The following FRAS1 variants were observed in gnomAD, a reference collection of about 807,000 sequenced individuals.
FRAS1 encodes Fraser extracellular matrix complex subunit 1, also known as extracellular matrix organizing protein FRAS1.
A neutral mutation model predicts 435.2 loss-of-function variants in FRAS1; 290 were observed. The observed-to-expected ratio is 0.67, with a 90% CI of 0.61 to 0.73. The LOEUF (loss-of-function observed/expected upper bound fraction) is 0.73, where lower values mean the gene tolerates loss of function less well. Among genes scored for constraint, FRAS1 ranks in the 30% least tolerant of loss-of-function variants. The pLI, the probability that FRAS1 is intolerant of heterozygous loss-of-function variation, is 0.00. For missense variants in FRAS1, 4,860 were observed against 5,001.5 expected (o/e 0.97, Z 0.85); for synonymous variants, 1,800 against 1,851.0 (o/e 0.97, Z 0.71).
intron 29 of FRAS1, among the ~76,000 whole-genome samples, chr4:78,389,781 A>G (rs1732373293): frequency 6.6e-6 from 1 of 152,200 alleles, no homozygotes; most frequent in African/African-American, 2.4e-5. Context: ...TTTGTGTGGA[A>G]TGGCCCAAGA....
intron 20 of FRAS1, among the ~76,000 whole-genome samples, chr4:78,357,489 G>A (rs540502739): frequency 6.6e-6 from 1 of 152,150 alleles, no homozygotes; most frequent in Non-Finnish European, 1.5e-5. Flanking sequence ...CAAAGGGAAT[G>A]GTTCCTCTGC....
intron 18 of FRAS1, among the ~76,000 whole-genome samples, chr4:78,328,967 C>G (rs1729826670): frequency 6.6e-6 from 1 of 152,160 alleles, no homozygotes; most frequent in South Asian, 2.1e-4. Context: ...TGATACTCCC[C>G]ATTCTGAGCC....
rs1055160138 is a variant in FRAS1 at position 78,542,856 on chromosome 4, A to G, written c.*1732A>G. 6.6e-5 allele frequency: 10 copies of G among 152,206 alleles called. No individual in the cohort carries two copies. The highest frequency in any genetic ancestry group is 2.4e-4 in the African/African-American group (10 of 41,442). 9.4% of individuals were successfully genotyped at this position (152,206 alleles called of 1,614,324 possible). A position where few individuals can be genotyped will look rare whatever the true frequency, so the allele number is the denominator to read the frequency against. On this transcript the variant is annotated 3_prime_UTR_variant, in exon 74 of 74. Transcript: ENST00000512123. The stretch of plus-strand genomic sequence containing the variant: ...TCACAAGGGAGGAGAGAGGAAAACA[A>G]TTATCTTCTCTACTTGGATTATGAG...
chr4:78,112,285 A>G (rs888768892), intron 2 of FRAS1, among the ~76,000 whole-genome samples: 6 of 152,180 alleles, frequency 3.9e-5, no homozygotes, highest in Non-Finnish European at 5.9e-5. Context: ...AAATCAACAA[A>G]TACATATTGG....
chr4:78,202,763 G>C (rs1723096529), intron 2 of FRAS1, among the ~76,000 whole-genome samples: 1 of 152,202 alleles, frequency 6.6e-6, no homozygotes, highest in African/African-American at 2.4e-5. Context: ...GTGGAACACG[G>C]AACCCACATG....
intron 47 of FRAS1, among the ~76,000 whole-genome samples, chr4:78,459,436 A>T (rs1455116738): frequency 6.6e-6 from 1 of 152,244 alleles, no homozygotes; most frequent in East Asian, 1.9e-4. Flanking sequence ...ATGGCAGAGG[A>T]CAGGGGGAGC....
intron 6 of FRAS1, among the ~76,000 whole-genome samples, chr4:78,260,474 G>A (rs1163435622): frequency 6.6e-6 from 1 of 151,940 alleles, no homozygotes; most frequent in African/African-American, 2.4e-5. Context: ...AATTGTGAAC[G>A]GGAGTTCACT....
rs779621893 is a variant in FRAS1 at position 78,521,516 on chromosome 4, T to C, written c.10541-7T>C. ...CCCTAGCATTTTCTCTCTGCTTTCC[T>C]GCCCAGGAATCCAGACAGACAGCGT... On this transcript the variant is annotated splice_polypyrimidine_tract_variant and splice_region_variant and intron_variant, in intron 67 of 73. Coordinates refer to ENST00000512123, the MANE Select transcript of FRAS1 (RefSeq NM_025074.7). 2 of 1,606,072 alleles carry C rather than the reference T, an allele frequency of 1.2e-6. No homozygotes were observed. The highest frequency in any genetic ancestry group is 3.4e-5 in the Admixed American group (2 of 59,140).
chr4:78,124,681 C>T (rs978458525), intron 2 of FRAS1, among the ~76,000 whole-genome samples: 1 of 152,140 alleles, frequency 6.6e-6, no homozygotes, highest in Non-Finnish European at 1.5e-5. Flanking sequence ...AGAGATTCAA[C>T]TTCTTCCTGG....
chr4:78,527,467 C>T (rs1036710325), intron 70 of FRAS1, among the ~76,000 whole-genome samples: 3 of 152,164 alleles, frequency 2.0e-5, no homozygotes, highest in South Asian at 4.1e-4. Context: ...CTAGGGTCAC[C>T]TTTCTAGGAG....
chr4:78,469,735 C>CTTGTTG (rs529520900), intron 50 of FRAS1, among the ~76,000 whole-genome samples: 82 of 151,798 alleles, frequency 5.4e-4, no homozygotes, highest in African/African-American at 1.9e-3. Flanking sequence ...AAGAATGCCA[C>CTTGTTG]TTGTTGTTGT....
At chr4:78,434,719 G>A (rs1734349038) in intron 38 of FRAS1, among the ~76,000 whole-genome samples, 1 of 151,872 alleles carries the variant, frequency 6.6e-6, no homozygotes, top group Non-Finnish European at 1.5e-5. Context: ...GACAGCAATA[G>A]CATTTCTATA....
chr4:78,307,989 C>T, intron 14 of FRAS1, 77 bp from the exon 15 acceptor site: 1 of 1,430,712 alleles, frequency 7.0e-7, no homozygotes. Context: ...CTTGTGTATT[C>T]TAAAATATTT....
In FRAS1 at chr4:78,057,475, C is replaced by A. The variant is rs1244954314; in HGVS notation, c.-535C>A. 1 of 153,950 alleles carries A rather than the reference C, an allele frequency of 6.5e-6. No homozygotes were observed. The allele number at this position is 153,950 out of a possible 1,614,324, so 9.5% of individuals were successfully genotyped here. A position where few individuals can be genotyped will look rare whatever the true frequency, so the allele number is the denominator to read the frequency against. On this transcript the variant is annotated 5_prime_UTR_variant, in exon 1 of 74. Coordinates refer to ENST00000512123, the MANE Select transcript of FRAS1 (RefSeq NM_025074.7). The surrounding 1 kb of genome is among the most constrained non-coding windows in gnomAD (Gnocchi z 4.2). Reference sequence around the variant, plus strand: ...ACCCCGGCAGATGAGGTCTGCCGAGCCGGGTGGCTCGACCAAGGAGTGGGT... The same window carrying A: ...ACCCCGGCAGATGAGGTCTGCCGAGACGGGTGGCTCGACCAAGGAGTGGGT...
chr4:78,141,103 T>G (rs1369271498), intron 2 of FRAS1, among the ~76,000 whole-genome samples: 1 of 152,138 alleles, frequency 6.6e-6, no homozygotes, highest in Non-Finnish European at 1.5e-5. Flanking sequence ...TGTGCAGGTT[T>G]GTTACATAGG....
Position 78,099,523 on chromosome 4 carries a change from A to G in FRAS1, c.108+33507A>G, listed in dbSNP as rs115347731. Among the ~76,000 whole-genome samples the G allele has an allele frequency of 4.9e-3, 751 of 152,330 alleles. 8 individuals are homozygous for G. The highest frequency in any genetic ancestry group is 0.017 in the African/African-American group (711 of 41,572). On this transcript the variant is annotated intron_variant, in intron 2 of 73. Coordinates refer to ENST00000512123, the MANE Select transcript of FRAS1 (RefSeq NM_025074.7). ...TAAATTAAAGATGTGTTTATTGAATATATCTATTGAATAAACTCTTATAAA... is the reference window on the plus strand; with the variant it reads ...TAAATTAAAGATGTGTTTATTGAATGTATCTATTGAATAAACTCTTATAAA...
intron 53 of FRAS1, among the ~76,000 whole-genome samples, chr4:78,474,903 TC>T (rs68118753): frequency 0.57 from 87,033 of 152,106 alleles, 26,878 homozygotes; most frequent in South Asian, 0.82. Flanking sequence ...ATCATGTCCT[TC>T]CCCCATTGTC....
rs1740122465 is a variant in FRAS1 at position 78,067,821 on chromosome 4, G to C, written c.108+1805G>C. 2.0e-5 allele frequency among the ~76,000 whole-genome samples: 3 copies of C among 149,592 alleles called. 1 individual carries two copies. In the South Asian group the frequency reaches 6.3e-4, roughly 31 times the overall value. ...TGATTCTCCTGCTTCAGCCTCCCAA[G>C]TAGATGGGACTACAGCTGCACACCA... On this transcript the variant is annotated intron_variant, in intron 2 of 73. Coordinates refer to ENST00000512123, the MANE Select transcript of FRAS1 (RefSeq NM_025074.7).
intron 47 of FRAS1, among the ~76,000 whole-genome samples, chr4:78,455,948 A>T (rs1232031403): frequency 6.6e-6 from 1 of 152,152 alleles, no homozygotes; most frequent in Non-Finnish European, 1.5e-5. Context: ...GTTTTCTCTC[A>T]GAGTAATCCA....
Sources: gnomAD v4.1 joint callset for allele counts (sites outside exome capture counted in the v4.1 genomes callset) on GRCh38, gnomAD v4.1.1 for gene constraint, Gnocchi (gnomAD v3.1) non-coding constraint, MANE v1.5 for transcripts, NCBI Gene and HGNC (gene_info 2026-07-23, HGNC 2026-07-21) for gene names.